The following ARL6IP6 variants were observed in gnomAD, a reference collection of about 807,000 sequenced individuals.
ARL6IP6 encodes ADP-ribosylation factor-like protein 6-interacting protein 6.
ARL6IP6 carries 22 observed loss-of-function variants against 21.5 expected under a neutral mutation model. The ratio of observed to expected loss-of-function variants is 1.02; its 90% CI spans 0.73 to 1.46. The LOEUF is 1.46. Ranked by LOEUF, ARL6IP6 falls within the 40% of genes most tolerant of loss-of-function variation. The probability of loss-of-function intolerance (pLI) is 0.00; values close to 1 mark genes in which losing one functional copy is unlikely to be tolerated. For missense variants in ARL6IP6, 388 were observed against 299.8 expected (o/e 1.29, Z -2.17); for synonymous variants, 164 against 125.3 (o/e 1.31, Z -2.06).
At chr2:152,729,526 G>C (rs1302166652) in intron 2 of ARL6IP6, among the ~76,000 whole-genome samples, 1 of 152,076 alleles carries the variant, frequency 6.6e-6, no homozygotes, top group Non-Finnish European at 1.5e-5. Flanking sequence ...TTAAATACAA[G>C]AATGTTCCTT....
chr2:152,752,576 C>T (rs7591590), intron 3 of ARL6IP6, among the ~76,000 whole-genome samples: 19,853 of 152,226 alleles, frequency 0.13, 1,568 homozygotes, highest in Middle Eastern at 0.24. Context: ...GAATTGGGCC[C>T]GAGCAAGCGG....
intron 3 of ARL6IP6, among the ~76,000 whole-genome samples, chr2:152,743,534 C>G (rs1259356728): frequency 6.6e-6 from 1 of 152,120 alleles, no homozygotes; most frequent in East Asian, 1.9e-4. Flanking sequence ...ATTTGTATAA[C>G]CTAAGCATAC....
intron 1 of ARL6IP6, 106 bp downstream of exon 1, chr2:152,719,130 G>A: frequency 7.6e-7 from 1 of 1,308,756 alleles, no homozygotes; most frequent in East Asian, 2.7e-5. Flanking sequence ...CCTCAGGCTG[G>A]CAGCTGCTTT....
At chr2:152,732,230 A>C (rs947191275) in intron 2 of ARL6IP6, among the ~76,000 whole-genome samples, 2 of 152,100 alleles carry the variant, frequency 1.3e-5, no homozygotes, top group African/African-American at 2.4e-5. Context: ...AAGAACATAT[A>C]TGTGCATCAT....
At position 152,718,860 on chromosome 2, in the gene ARL6IP6, G is replaced by A; in HGVS notation, c.236G>A (p.Gly79Glu). ...KRSVLPPDGNGSPVLPDKRNG... is the reference protein window; with the variant it reads ...KRSVLPPDGNESPVLPDKRNG... ...TCGGTGCTCCCGCCGGACGGGAACG[G>A]GTCGCCCGTTCTGCCCGATAAGCGC... Residue 79 changes from glycine (G) to glutamate (E), a missense_variant, in exon 1 of 4, where the codon GGG becomes GAG. Physicochemically the swap from Gly to Glu is moderately conservative, Grantham distance 98. Coordinates refer to ENST00000326446, the MANE Select transcript of ARL6IP6 (RefSeq NM_152522.7). The A allele has an allele frequency of 6.2e-7, 1 of 1,613,404 alleles. No homozygotes were observed. Among genetic ancestry groups the A allele is most frequent in the Non-Finnish European group, 8.5e-7 (1 of 1,179,664 alleles).
Position 152,718,854 on chromosome 2 carries a change from G to T in ARL6IP6, c.230G>T (p.Gly77Val). Residue 77 changes from glycine (G) to valine (V), a missense_variant, in exon 1 of 4, where the codon GGG becomes GTG. Gly to Val is a moderately radical substitution (Grantham distance 109). Coordinates refer to ENST00000326446, the MANE Select transcript of ARL6IP6 (RefSeq NM_152522.7). The stretch of plus-strand genomic sequence containing the variant: ...AAGCGCTCGGTGCTCCCGCCGGACG[G>T]GAACGGGTCGCCCGTTCTGCCCGAT... ...PRKRSVLPPD[G>V]NGSPVLPDKR... 6.2e-7 allele frequency: 1 copy of T among 1,613,062 alleles called. No individual in the cohort carries two copies. The highest frequency in any genetic ancestry group is 8.5e-7 in the Non-Finnish European group (1 of 1,179,430).
Position 152,759,963 on chromosome 2 carries a change from T to G in ARL6IP6, c.*123T>G. The G allele has an allele frequency of 1.3e-6, 1 of 753,580 alleles. No individual in the cohort carries two copies. The highest frequency in any genetic ancestry group is 2.2e-6 in the Non-Finnish European group (1 of 444,786). The allele number at this position is 753,580 out of a possible 1,614,324, so 46.7% of individuals were successfully genotyped here. A position where few individuals can be genotyped will look rare whatever the true frequency, so the allele number is the denominator to read the frequency against. On this transcript the variant is annotated 3_prime_UTR_variant, in exon 4 of 4. Transcript: ENST00000326446. ...GCTGTTCATTATGTAGTTCAGATAT[T>G]TATCACAATCATCCTCATTATGGAA...
intron 1 of ARL6IP6, among the ~76,000 whole-genome samples, chr2:152,719,409 A>G (rs1699597221): frequency 6.6e-6 from 1 of 152,124 alleles, no homozygotes; most frequent in Non-Finnish European, 1.5e-5. Context: ...TCATCCACAA[A>G]TAAAGATGTG....
intron 3 of ARL6IP6, among the ~76,000 whole-genome samples, chr2:152,742,908 C>T (rs1386153754): frequency 6.6e-6 from 1 of 152,154 alleles, no homozygotes; most frequent in Non-Finnish European, 1.5e-5. Flanking sequence ...AAGTAATTTG[C>T]AAGTAACATA....
chr2:152,727,145 T>A (rs1700084783), intron 2 of ARL6IP6, among the ~76,000 whole-genome samples: 3 of 152,198 alleles, frequency 2.0e-5, no homozygotes, highest in Admixed American at 1.3e-4. Context: ...TGAAGACCTT[T>A]CAGTGGAAAA....
chr2:152,758,865 C>G (rs549352814), intron 3 of ARL6IP6, among the ~76,000 whole-genome samples: 7 of 152,046 alleles, frequency 4.6e-5, no homozygotes, highest in Admixed American at 4.6e-4. Context: ...TATTTATGAC[C>G]GTCTCAGTCC....
chr2:152,728,264 A>G (rs1041981594), intron 2 of ARL6IP6, among the ~76,000 whole-genome samples: 1 of 152,224 alleles, frequency 6.6e-6, no homozygotes, highest in African/African-American at 2.4e-5. Flanking sequence ...GGAAATTACT[A>G]GTATACAGTC....
chr2:152,747,122 G>T (rs527993073), intron 3 of ARL6IP6, among the ~76,000 whole-genome samples: 2 of 151,870 alleles, frequency 1.3e-5, no homozygotes, highest in African/African-American at 4.8e-5. Flanking sequence ...GAGCCACCAC[G>T]CCCAGCCAAC....
chr2:152,745,865 A>G (rs1164739348), intron 3 of ARL6IP6, among the ~76,000 whole-genome samples: 1 of 152,122 alleles, frequency 6.6e-6, no homozygotes, highest in Non-Finnish European at 1.5e-5. Context: ...GTACATGCAT[A>G]TTGTGTAAGA....
At chr2:152,733,819 T>C (rs1286513605) in intron 2 of ARL6IP6, among the ~76,000 whole-genome samples, 4 of 152,220 alleles carry the variant, frequency 2.6e-5, no homozygotes, top group Non-Finnish European at 5.9e-5. Context: ...TTACATGTTT[T>C]ATTATCTTCC....
chr2:152,755,053 C>A (rs749788419), intron 3 of ARL6IP6, among the ~76,000 whole-genome samples: 1 of 151,980 alleles, frequency 6.6e-6, no homozygotes, highest in Non-Finnish European at 1.5e-5. Context: ...TTATAATAAT[C>A]CTCTCTCTAC....
At chr2:152,723,987 CTGTG>C (rs1357336637) in intron 2 of ARL6IP6, among the ~76,000 whole-genome samples, 1 of 151,856 alleles carries the variant, frequency 6.6e-6, no homozygotes. Flanking sequence ...ACAGTGCTAT[CTGTG>C]GCTGGGTGGG....
At chr2:152,747,112 G>A (rs1255204935) in intron 3 of ARL6IP6, among the ~76,000 whole-genome samples, 1 of 152,032 alleles carries the variant, frequency 6.6e-6, no homozygotes, top group Non-Finnish European at 1.5e-5. Context: ...TTACAGGCGT[G>A]AGCCACCACG....
chr2:152,749,314 AACACACACAC>A (rs3080693), intron 3 of ARL6IP6, among the ~76,000 whole-genome samples: 10 of 150,120 alleles, frequency 6.7e-5, no homozygotes, highest in African/African-American at 2.5e-4. Context: ...CACACACAAA[AACACACACAC>A]ACACACACAC....
Sources: allele counts gnomAD v4.1 joint callset (sites outside exome capture counted in the v4.1 genomes callset), GRCh38; gene constraint gnomAD v4.1.1; transcripts MANE v1.5; gene names NCBI Gene and HGNC (gene_info 2026-07-23, HGNC 2026-07-21).